Variants in CACNA2D3 observed in about 807,000 individuals in gnomAD.
CACNA2D3 encodes calcium voltage-gated channel auxiliary subunit alpha2delta 3.
CACNA2D3 carries 60 observed loss-of-function variants against 160.6 expected under a neutral mutation model. The observed-to-expected ratio is 0.37, with a 90% CI of 0.30 to 0.46. The LOEUF is 0.46. Among genes scored for constraint, CACNA2D3 ranks in the 20% least tolerant of loss-of-function variants. The pLI is 1.00. For synonymous variants in CACNA2D3, 558 were observed against 492.9 expected (o/e 1.13, Z -1.75); for missense variants, 1,205 against 1,365.0 (o/e 0.88, Z 1.85).
intron 13 of CACNA2D3, among the ~76,000 whole-genome samples, chr3:54,801,334 A>G (rs1702982346): frequency 6.6e-6 from 1 of 152,128 alleles, no homozygotes; most frequent in African/African-American, 2.4e-5. Flanking sequence ...GGGGTGGTAC[A>G]ATGAACATCA....
At chr3:54,842,714 C>T (rs1284225046) in intron 16 of CACNA2D3, among the ~76,000 whole-genome samples, 1 of 151,780 alleles carries the variant, frequency 6.6e-6, no homozygotes, top group African/African-American at 2.4e-5. Context: ...AATTCTCCTG[C>T]CTCAGCCTCC....
At chr3:54,207,527 A>T (rs1366369427) in intron 2 of CACNA2D3, among the ~76,000 whole-genome samples, 1 of 151,862 alleles carries the variant, frequency 6.6e-6, no homozygotes. Flanking sequence ...GCTTGGAGGG[A>T]TACATTTCTC....
intron 5 of CACNA2D3, among the ~76,000 whole-genome samples, chr3:54,542,786 C>T (rs1311363787): frequency 6.6e-6 from 1 of 152,098 alleles, no homozygotes; most frequent in Non-Finnish European, 1.5e-5. Context: ...ATCTCCTTTG[C>T]CAACACCTTC....
At chr3:54,328,276 C>T (rs1009534195) in intron 3 of CACNA2D3, among the ~76,000 whole-genome samples, 9 of 151,850 alleles carry the variant, frequency 5.9e-5, no homozygotes, top group African/African-American at 2.2e-4. Flanking sequence ...TGTTTTGTTT[C>T]GTTTGTTTGT....
At chr3:54,400,483 C>G (rs1699436174) in intron 4 of CACNA2D3, among the ~76,000 whole-genome samples, 2 of 152,124 alleles carry the variant, frequency 1.3e-5, no homozygotes, top group Admixed American at 1.3e-4. Flanking sequence ...CAAGAAATAT[C>G]TTCTCATCTA....
chr3:54,342,025 G>A (rs1698362990), intron 3 of CACNA2D3, among the ~76,000 whole-genome samples: 2 of 152,112 alleles, frequency 1.3e-5, no homozygotes, highest in African/African-American at 4.8e-5. Flanking sequence ...CATCTCGTAG[G>A]TGAGGAAACT....
chr3:54,762,874 G>A (rs1381591765), intron 12 of CACNA2D3, among the ~76,000 whole-genome samples: 6 of 152,110 alleles, frequency 3.9e-5, no homozygotes, highest in African/African-American at 9.7e-5. Flanking sequence ...GGCGGATCAC[G>A]AGGTCAGGAG....
chr3:54,464,286 C>G (rs1332617772), intron 4 of CACNA2D3, among the ~76,000 whole-genome samples: 1 of 152,150 alleles, frequency 6.6e-6, no homozygotes, highest in Non-Finnish European at 1.5e-5. Context: ...GCTGGGAGAA[C>G]CACTGCTCTC....
intron 4 of CACNA2D3, among the ~76,000 whole-genome samples, chr3:54,476,151 G>A (rs6792203): frequency 0.033 from 4,945 of 147,850 alleles, 281 homozygotes; most frequent in African/African-American, 0.12. Flanking sequence ...TGGTTCGTCC[G>A]TGTTATCTCA....
chr3:54,269,699 C>T (rs1189082416), intron 2 of CACNA2D3, among the ~76,000 whole-genome samples: 1 of 152,192 alleles, frequency 6.6e-6, no homozygotes, highest in African/African-American at 2.4e-5. Flanking sequence ...GAGGTGCTGT[C>T]TGGACCAGGT....
At chr3:54,925,066 G>T in intron 27 of CACNA2D3, 1 of 1,614,090 alleles carries the variant, frequency 6.2e-7, no homozygotes, top group Non-Finnish European at 8.5e-7. Context: ...TGCAGCGTTC[G>T]AGTCTGAGGA....
Position 54,934,867 on chromosome 3 carries a change from G to A in CACNA2D3, c.2450-33583G>A, listed in dbSNP as rs576239616. On this transcript the variant is annotated intron_variant, in intron 27 of 37. Coordinates refer to ENST00000474759, the MANE Select transcript of CACNA2D3 (RefSeq NM_018398.3). The stretch of plus-strand genomic sequence containing the variant: ...ATGCCTCAGCCTCCCGAGTAGCTGG[G>A]ATTACAGGCACACACCACCACACCC... Among the ~76,000 whole-genome samples the A allele has an allele frequency of 2.0e-5, 3 of 152,108 alleles. No homozygotes were observed. The South Asian group carries it at 6.2e-4, about 32-fold the overall frequency.
intron 12 of CACNA2D3, 87 bp downstream of exon 12, chr3:54,752,764 A>G (rs900189549): frequency 1.1e-6 from 1 of 928,356 alleles, no homozygotes. Context: ...AGAGAGTTCT[A>G]ATAATTCTAA....
At chr3:54,488,714 G>A (rs1350368712) in intron 4 of CACNA2D3, among the ~76,000 whole-genome samples, 1 of 152,088 alleles carries the variant, frequency 6.6e-6, no homozygotes, top group African/African-American at 2.4e-5. Flanking sequence ...ACTCTGTATT[G>A]TATTAGATAC....
At chr3:54,925,265 G>A (rs777126573) in intron 27 of CACNA2D3, 2 of 1,462,144 alleles carry the variant, frequency 1.4e-6, no homozygotes, top group South Asian at 1.2e-5. Context: ...GTGAGGTGTG[G>A]TATCAGCACT....
At chr3:55,051,677 G>A (rs1559474205) in intron 35 of CACNA2D3, among the ~76,000 whole-genome samples, 1 of 152,156 alleles carries the variant, frequency 6.6e-6, no homozygotes, top group Admixed American at 6.5e-5. Context: ...AGCAAGCCTG[G>A]GCAATGGCGG....
chr3:54,370,867 C>T (rs1313038486), intron 3 of CACNA2D3, among the ~76,000 whole-genome samples: 2 of 145,866 alleles, frequency 1.4e-5, no homozygotes, highest in African/African-American at 2.5e-5. Flanking sequence ...TACACTTTAA[C>T]ATTTTTCCTT....
chr3:54,626,684 C>G, intron 9 of CACNA2D3: 1 of 313,444 alleles, frequency 3.2e-6, no homozygotes, highest in Non-Finnish European at 5.3e-6. Context: ...TGGTTCCAGT[C>G]AAAAAAAAAA....
chr3:55,040,182 C>G (rs1048729655), intron 35 of CACNA2D3, among the ~76,000 whole-genome samples: 1 of 152,080 alleles, frequency 6.6e-6, no homozygotes, highest in African/African-American at 2.4e-5. Context: ...TGTATTCCAC[C>G]ATGAGGGCTC....
Sources: allele counts gnomAD v4.1 joint callset (sites outside exome capture counted in the v4.1 genomes callset), GRCh38; gene constraint gnomAD v4.1.1; transcripts MANE v1.5; gene names NCBI Gene and HGNC (gene_info 2026-07-23, HGNC 2026-07-21).